The following FLACC1 variants were observed in gnomAD, a reference collection of about 807,000 sequenced individuals.
FLACC1 encodes flagellum associated containing coiled-coil domains 1.
In FLACC1, 66 loss-of-function variants were observed where a neutral mutation model predicts 62.8. The ratio of observed to expected loss-of-function variants is 1.05; its 90% CI spans 0.86 to 1.29. The LOEUF (loss-of-function observed/expected upper bound fraction) is 1.29. Among genes scored for constraint, FLACC1 ranks in the 50% most tolerant of loss-of-function variants. The pLI is 0.00. For missense variants in FLACC1, 452 were observed against 489.1 expected, an observed-to-expected ratio of 0.92 and a Z score of 0.71; for synonymous variants, 156 against 161.0, an observed-to-expected ratio of 0.97 and a Z score of 0.24.
At chr2:201,355,526 C>A in intron 1 of FLACC1, among the ~76,000 whole-genome samples, 1 of 150,740 alleles carries the variant, frequency 6.6e-6, no homozygotes. Context: ...CCATGATAAA[C>A]AATGTCTTGG....
At chr2:201,328,755 A>G (rs759492897) in intron 9 of FLACC1, among the ~76,000 whole-genome samples, 17 of 152,240 alleles carry the variant, frequency 1.1e-4, no homozygotes, top group Non-Finnish European at 2.1e-4. Context: ...CTATTTTTAA[A>G]TATAAACTTT....
intron 5 of FLACC1, among the ~76,000 whole-genome samples, chr2:201,344,871 T>C (rs1950881527): frequency 6.6e-6 from 1 of 152,216 alleles, no homozygotes; most frequent in African/African-American, 2.4e-5. Flanking sequence ...CAATGCAAGA[T>C]GCTTTGACCT....
At chr2:201,304,688 C>T (rs1293411124) in intron 11 of FLACC1, among the ~76,000 whole-genome samples, 1 of 152,172 alleles carries the variant, frequency 6.6e-6, no homozygotes, top group Non-Finnish European at 1.5e-5. Flanking sequence ...AACTATACTA[C>T]AAGGCTACAG....
intron 9 of FLACC1, among the ~76,000 whole-genome samples, chr2:201,312,822 C>T (rs1467303257): frequency 6.6e-6 from 1 of 152,190 alleles, no homozygotes. Context: ...CCAAGAGAAT[C>T]CACAGACCCT....
chr2:201,292,762 G>A (rs1382683489), intron 12 of FLACC1, among the ~76,000 whole-genome samples: 1 of 152,162 alleles, frequency 6.6e-6, no homozygotes, highest in Non-Finnish European at 1.5e-5. Context: ...TCAGTGTGCT[G>A]TATTCAGGAA....
Position 201,299,280 on chromosome 2 carries a change from T to A in FLACC1, c.900A>T (p.Gln300His). ...GCTCTTCTAATTGCAAGGTGTCACT[T>A]TGATGTTGTTTCAAGAGCTCCTAAA... is the stretch of plus-strand genomic sequence containing the variant. ...QEKEELLKQH[Q>H]SDTLQLEELR... Residue 300 changes from glutamine (Q) to histidine (H), a missense_variant, in exon 12 of 15, where the codon CAA (glutamine) becomes CAT (histidine). Gln to His is a conservative substitution (Grantham distance 24). Transcript: ENST00000392257. 1 of 1,613,728 alleles carries A rather than the reference T, an allele frequency of 6.2e-7. No individual in the cohort carries two copies. The highest frequency in any genetic ancestry group is 8.5e-7 in the Non-Finnish European group (1 of 1,179,832).
intron 7 of FLACC1, 87 bp from the exon 8 acceptor site, chr2:201,330,920 C>A: frequency 1.0e-6 from 1 of 969,244 alleles, no homozygotes. Context: ...TACCCTCCAC[C>A]CTCCCACAGG....
chr2:201,308,076 A>C (rs916631298), intron 10 of FLACC1, among the ~76,000 whole-genome samples: 1 of 152,162 alleles, frequency 6.6e-6, no homozygotes, highest in African/African-American at 2.4e-5. Context: ...CCCCATTATC[A>C]AACAAGAGGA....
chr2:201,305,084 G>T (rs1021665373), intron 11 of FLACC1, among the ~76,000 whole-genome samples: 2 of 152,154 alleles, frequency 1.3e-5, no homozygotes, highest in African/African-American at 4.8e-5. Flanking sequence ...TTGACAAATG[G>T]GATCTAAATA....
intron 9 of FLACC1, among the ~76,000 whole-genome samples, chr2:201,317,200 G>A (rs1950322755): frequency 6.6e-6 from 1 of 152,136 alleles, no homozygotes; most frequent in African/African-American, 2.4e-5. Context: ...CCTAGCCAGA[G>A]CAATCAGACA....
chr2:201,307,204 A>C (rs780758531), intron 11 of FLACC1, among the ~76,000 whole-genome samples: 2 of 152,216 alleles, frequency 1.3e-5, no homozygotes, highest in African/African-American at 2.4e-5. Context: ...TGAGGAATGA[A>C]AAGGATATTC....
chr2:201,301,959 C>T (rs1461618999), intron 11 of FLACC1, among the ~76,000 whole-genome samples: 7 of 152,116 alleles, frequency 4.6e-5, no homozygotes, highest in South Asian at 4.1e-4. Flanking sequence ...AAGGAACAAC[C>T]GGTACCAGCC....
At chr2:201,355,646 G>A (rs1951104968) in intron 1 of FLACC1, among the ~76,000 whole-genome samples, 1 of 152,072 alleles carries the variant, frequency 6.6e-6, no homozygotes, top group South Asian at 2.1e-4. Context: ...AGTCGCTTGA[G>A]GCTAGGAGTT....
rs748729496 is a variant in FLACC1 at position 201,289,739 on chromosome 2, A to G, written c.989T>C (p.Leu330Pro). 2 of 1,614,024 alleles carry G rather than the reference A, an allele frequency of 1.2e-6. No individual in the cohort carries two copies. Among genetic ancestry groups the G allele is most frequent in the East Asian group, 4.5e-5 (2 of 44,894 alleles). The change falls in exon 13 of 15, where the codon CTG becomes CCG. Residue 330 changes from leucine to proline, a missense_variant. Leu to Pro is a moderately conservative substitution (Grantham distance 98, BLOSUM62 -3). This residue lies in a region of FLACC1 where 301 missense variants were observed against 318.4 expected (regional missense o/e 0.95). Transcript: ENST00000392257. ...CTGGGTATAGTAGAGGTTTGTGTTC[A>G]GTGACTCTAGGATAAGGGCTTGTGC... ...LHAQALILES[L>P]NTNLYYTQLE...
At chr2:201,327,045 A>G (rs1322761939) in intron 9 of FLACC1, among the ~76,000 whole-genome samples, 1 of 152,198 alleles carries the variant, frequency 6.6e-6, no homozygotes, top group African/African-American at 2.4e-5. Flanking sequence ...CTTATCTTTG[A>G]CAAAGCAAAC....
upstream of FLACC1, among the ~76,000 whole-genome samples, chr2:201,358,625 G>A (rs916289324): frequency 6.6e-6 from 1 of 151,854 alleles, no homozygotes; most frequent in Non-Finnish European, 1.5e-5. Flanking sequence ...CACCGTTTTA[G>A]CCGGGATGGT....
At chr2:201,362,675 G>T in the FLACC1 span, among the ~76,000 whole-genome samples, 1 of 152,194 alleles carries the variant, frequency 6.6e-6, no homozygotes, top group African/African-American at 2.4e-5. Context: ...TTGGGGAAGC[G>T]GCTTGGAAAC....
intron 11 of FLACC1, among the ~76,000 whole-genome samples, chr2:201,306,865 A>G (rs926664996): frequency 6.6e-6 from 1 of 152,202 alleles, no homozygotes; most frequent in East Asian, 1.9e-4. Flanking sequence ...ACTTTTTCAA[A>G]TGGGAAAAGA....
At chr2:201,312,067 A>G (rs547519202) in intron 9 of FLACC1, among the ~76,000 whole-genome samples, 1 of 152,320 alleles carries the variant, frequency 6.6e-6, no homozygotes, top group East Asian at 1.9e-4. Context: ...ATAGCACTGG[A>G]AGTACTAGCC....
Sources: gnomAD v4.1 joint callset for allele counts (sites outside exome capture counted in the v4.1 genomes callset) on GRCh38, gnomAD v4.1.1 for gene constraint, gnomAD v4.1.1 regional missense constraint, MANE v1.5 for transcripts, NCBI Gene and HGNC (gene_info 2026-07-23, HGNC 2026-07-21) for gene names.